POLR2B: variants seen among roughly 807,000 people sequenced by gnomAD.
POLR2B encodes DNA-directed RNA polymerase II subunit RPB2.
POLR2B carries 57 observed loss-of-function variants against 144.6 expected under a neutral mutation model. The ratio of observed to expected loss-of-function variants is 0.39; its 90% CI spans 0.32 to 0.49. POLR2B has a LOEUF of 0.49. Among genes scored for constraint, POLR2B ranks in the 20% least tolerant of loss-of-function variants. The pLI is 0.83. For missense variants in POLR2B, 595 were observed against 1,467.4 expected (o/e 0.41, Z 9.71); for synonymous variants, 442 against 469.8 (o/e 0.94, Z 0.77).
intron 6 of POLR2B, among the ~76,000 whole-genome samples, chr4:56,998,443 C>T (rs1376062981): frequency 3.9e-5 from 6 of 152,192 alleles, no homozygotes; most frequent in Admixed American, 2.0e-4. Flanking sequence ...GTGATCCACC[C>T]GCCTTGGCCT....
rs751510176 is a variant in POLR2B, at chr4:57,017,022, A to C, written c.1956-21A>C. ...GTTAAAATACTTGAGGAAGTAGAAAATTGAGTGAATTCTTTTTTAGTTGGC... is the reference window on the plus strand; with the variant it reads ...GTTAAAATACTTGAGGAAGTAGAAACTTGAGTGAATTCTTTTTTAGTTGGC... On this transcript the variant is annotated intron_variant, in intron 14 of 24. Transcript: ENST00000314595. The surrounding 1 kb of genome is among the most constrained non-coding windows in gnomAD (Gnocchi z 4.8). 6.6e-7 allele frequency: 1 copy of C among 1,506,348 alleles called. No homozygotes were observed. The highest frequency in any genetic ancestry group is 9.0e-7 in the Non-Finnish European group (1 of 1,108,520). 93.3% of individuals were successfully genotyped at this position (1,506,348 alleles called of 1,614,324 possible). A position where few individuals can be genotyped will look rare whatever the true frequency, so the allele number is the denominator to read the frequency against.
intron 16 of POLR2B, 56 bp from the exon 17 acceptor site, chr4:57,020,843 G>A: frequency 1.1e-6 from 1 of 909,076 alleles, no homozygotes; most frequent in East Asian, 2.4e-5. Flanking sequence ...TAAAGAAAGG[G>A]CAGTTTTTCT....
chr4:56,982,073 T>C (rs901110480), intron 1 of POLR2B, among the ~76,000 whole-genome samples: 1 of 152,212 alleles, frequency 6.6e-6, no homozygotes, highest in Admixed American at 6.5e-5. Flanking sequence ...CATTTTCCAT[T>C]GTTTCAGTTA....
Position 56,994,880 on chromosome 4 carries a change from AT to A in POLR2B, c.576+18del. ...GGATCAGAAAAGGTATAGTAACATT[AT>A]TTTAAAAAATTACAAAATGGTAGTT... On this transcript the variant is annotated intron_variant, in intron 5 of 24. Transcript: ENST00000314595. The A allele has an allele frequency of 7.4e-7, 1 of 1,356,176 alleles. No individual in the cohort carries two copies. The highest frequency in any genetic ancestry group is 2.4e-5 in the East Asian group (1 of 42,516). 84.0% of individuals were successfully genotyped at this position (1,356,176 alleles called of 1,614,324 possible).
At chr4:56,992,049 A>C (rs1473684599) in intron 3 of POLR2B, among the ~76,000 whole-genome samples, 1 of 152,204 alleles carries the variant, frequency 6.6e-6, no homozygotes, top group Admixed American at 6.5e-5. Flanking sequence ...AGAAGTACTA[A>C]AAGAGGAGTA....
rs184694974 is a variant in POLR2B, at chr4:56,995,872, T to C, written c.735+463T>C. Among the ~76,000 whole-genome samples, 26 of 152,298 alleles carry C rather than the reference T, an allele frequency of 1.7e-4. No individual in the cohort carries two copies. In the East Asian group the frequency reaches 4.2e-3, roughly 25 times the overall value. ...CAGAGAGAGTAAGCAAAAAGAGCCA[T>C]AGAGAGTACGAGCAAGGTGGAAATC... is the stretch of plus-strand genomic sequence containing the variant. On this transcript the variant is annotated intron_variant, in intron 6 of 24. Transcript: ENST00000314595.
At chr4:56,993,725 T>G (rs1195706296) in intron 3 of POLR2B, among the ~76,000 whole-genome samples, 1 of 152,210 alleles carries the variant, frequency 6.6e-6, no homozygotes, top group East Asian at 1.9e-4. Context: ...ATAGAATGAT[T>G]AGGATATTTT....
chr4:57,017,562 C>A lies in POLR2B; in HGVS notation c.2157C>A (p.Ser719=), dbSNP rs181663422. 6.3e-7 allele frequency: 1 copy of A among 1,589,218 alleles called. No individual in the cohort carries two copies. The highest frequency in any genetic ancestry group is 2.2e-5 in the East Asian group (1 of 44,596). Residue 719 remains serine (S), a splice_region_variant and synonymous_variant, in exon 16 of 25, where the codon TCC becomes TCA. Coordinates refer to ENST00000314595, the MANE Select transcript of POLR2B (RefSeq NM_000938.3). The surrounding 1 kb of genome is among the most constrained non-coding windows in gnomAD (Gnocchi z 4.8). ...CTGCTTTTCATTTTTACGTTTAGTC[C>A]CCTAGAAACACATACCAGTCTGCTA... The part of the protein sequence containing the change: ...SIIPFPDHNQ[S]PRNTYQSAMG...
intron 17 of POLR2B, 37 bp from the exon 18 acceptor site, chr4:57,022,115 G>C: frequency 7.8e-7 from 1 of 1,279,978 alleles, no homozygotes. Flanking sequence ...TTTGTTAAAA[G>C]AAAATAGACT....
In POLR2B at chr4:56,995,748, C is replaced by T. The variant is rs548983677; in HGVS notation, c.735+339C>T. On this transcript the variant is annotated intron_variant, in intron 6 of 24. Coordinates refer to ENST00000314595, the MANE Select transcript of POLR2B (RefSeq NM_000938.3). ...TCTTCATTGGCTGTTGGACTGAGTC[C>T]CAGGTCTTTGCTCGCTGTTGGCTGG... is the stretch of plus-strand genomic sequence containing the variant. Among the ~76,000 whole-genome samples the T allele has an allele frequency of 3.3e-5, 5 of 152,278 alleles. No homozygotes were observed. In the South Asian group the frequency reaches 6.2e-4, roughly 19 times the overall value.
intron 11 of POLR2B, 38 bp from the exon 12 acceptor site, chr4:57,010,710 G>A (rs762135428): frequency 6.5e-7 from 1 of 1,539,378 alleles, no homozygotes; most frequent in African/African-American, 1.4e-5. Flanking sequence ...TGATAGGCAT[G>A]TAAAATCAGA....
chr4:56,992,633 C>G (rs1722555552), intron 3 of POLR2B, among the ~76,000 whole-genome samples: 1 of 147,922 alleles, frequency 6.8e-6, no homozygotes, highest in Admixed American at 6.8e-5. Flanking sequence ...GATCTCGGCT[C>G]ACTGCAGGCT....
intron 13 of POLR2B, among the ~76,000 whole-genome samples, chr4:57,013,366 CA>C (rs1325929859): frequency 6.6e-5 from 10 of 150,484 alleles, no homozygotes; most frequent in African/African-American, 2.0e-4. Flanking sequence ...AGAGAAAGCT[CA>C]AAAAAATGTC....
chr4:56,988,070 T>C (rs1268016141), intron 2 of POLR2B, among the ~76,000 whole-genome samples: 2 of 151,806 alleles, frequency 1.3e-5, no homozygotes, highest in Non-Finnish European at 2.9e-5. Flanking sequence ...TAAAAATAAA[T>C]AATTAAAAAA....
Position 57,001,738 on chromosome 4 carries a change from TG to T in POLR2B, c.900+1958del, listed in dbSNP as rs552742123. Among the ~76,000 whole-genome samples the T allele has an allele frequency of 2.6e-4, 39 of 152,352 alleles. No individual in the cohort carries two copies. In the East Asian group the frequency reaches 7.5e-3, roughly 29 times the overall value. ...ACCTCCACTGTAAGGTTACTATTTT[TG>T]TGGGAACCTTTTATGGGAAGGATTT... On this transcript the variant is annotated intron_variant, in intron 7 of 24. Transcript: ENST00000314595.
intron 3 of POLR2B, 109 bp downstream of exon 3, chr4:56,991,007 C>A: frequency 1.3e-6 from 1 of 784,718 alleles, no homozygotes; most frequent in Non-Finnish European, 2.0e-6. Flanking sequence ...GAGCTTTTAG[C>A]AAAGTACTTA....
chr4:57,028,971 T>C (rs1034717506), intron 23 of POLR2B, among the ~76,000 whole-genome samples: 2 of 152,250 alleles, frequency 1.3e-5, no homozygotes, highest in Non-Finnish European at 2.9e-5. Flanking sequence ...CAACCTTTTT[T>C]TTCCCCTTGT....
chr4:57,025,340 T>G, intron 22 of POLR2B, 37 bp from the exon 23 acceptor site: 1 of 1,540,336 alleles, frequency 6.5e-7, no homozygotes, highest in Non-Finnish European at 9.0e-7. Flanking sequence ...GTTGTTTAAT[T>G]TTTAGGTCTA....
chr4:56,979,831 G>A lies in POLR2B; in HGVS notation c.19+827G>A, dbSNP rs527560215. Among the ~76,000 whole-genome samples, 5 of 151,476 alleles carry A rather than the reference G, an allele frequency of 3.3e-5. No homozygotes were observed. The South Asian group carries it at 6.3e-4, about 19-fold the overall frequency. ...GGACGATCGCTTGAGCCCAGGAGGC[G>A]GAGTTTGCAGTGAGCTGAGATCGCA... is the stretch of plus-strand genomic sequence containing the variant. On this transcript the variant is annotated intron_variant, in intron 1 of 24. Coordinates refer to ENST00000314595, the MANE Select transcript of POLR2B (RefSeq NM_000938.3).
Sources: allele counts gnomAD v4.1 joint callset (sites outside exome capture counted in the v4.1 genomes callset), GRCh38; gene constraint gnomAD v4.1.1; non-coding constraint Gnocchi (gnomAD v3.1); transcripts MANE v1.5; gene names NCBI Gene and HGNC (gene_info 2026-07-23, HGNC 2026-07-21).